The following RINL variants were observed in gnomAD, a reference collection of about 807,000 sequenced individuals.
The protein encoded by RINL is Ras and Rab interactor like.
In RINL, 39 loss-of-function variants were observed where a neutral mutation model predicts 58.1. The ratio of observed to expected loss-of-function variants is 0.67; its 90% CI spans 0.52 to 0.88. The LOEUF is 0.88. Among genes scored for constraint, RINL ranks in the 40% least tolerant of loss-of-function variants. The probability of loss-of-function intolerance (pLI) is 0.00; values close to 1 mark genes in which losing one functional copy is unlikely to be tolerated. For synonymous variants in RINL, 286 were observed against 323.1 expected (o/e 0.89, Z 1.23); for missense variants, 711 against 749.2 (o/e 0.95, Z 0.60).
Position 38,871,214 on chromosome 19 carries a change from G to C in RINL, c.465C>G (p.Ile155Met), listed in dbSNP as rs367723236. 13 of 1,613,866 alleles carry C rather than the reference G, an allele frequency of 8.1e-6. No homozygotes were observed. The African/African-American group carries it at 1.1e-4, about 13-fold the overall frequency. The change falls in exon 7 of 12, where the codon ATC becomes ATG. Residue 155 changes from isoleucine to methionine, a missense_variant. By Grantham distance (10) the Ile-to-Met change is conservative. Coordinates refer to ENST00000591812, the MANE Select transcript of RINL (RefSeq NM_001195833.2). Reference protein sequence around the residue: ...PRDEHTDPVQIGRVQQDTPGK... With the variant: ...PRDEHTDPVQMGRVQQDTPGK... ...CTGGGGTGTCCTGTTGGACCCTGCCGATCTGCACAGGATCTGGAGCCAGCA... is the reference window on the plus strand; with the variant it reads ...CTGGGGTGTCCTGTTGGACCCTGCCCATCTGCACAGGATCTGGAGCCAGCA...
In RINL at chr19:38,869,561, T is replaced by C. The variant is rs781713176; in HGVS notation, c.1474+12A>G. On this transcript the variant is annotated intron_variant, in intron 10 of 11. Transcript: ENST00000591812. This position sits in a 1 kb window ranked among gnomAD's most constrained non-coding sequence, Gnocchi z 5.7. ...ATCGCTGGGCTCCAGCATTCTGGAG[T>C]TGGGGGCTCACCCTCTCCCCGCAGC... 1.9e-5 allele frequency: 30 copies of C among 1,612,756 alleles called. No individual in the cohort carries two copies. The highest frequency in any genetic ancestry group is 2.7e-5 in the African/African-American group (2 of 74,764).
chr19:38,870,654 G>T lies in RINL; in HGVS notation c.940C>A (p.Gln314Lys). ...TAGGAGTCCTTTGCCAGGTGATCCT[G>T]GAGGTCAGTAAGGAGGTGCCGCACA... ...QDVRHLLTDLQDHLAKDSYIR... is the reference protein window; with the variant it reads ...QDVRHLLTDLKDHLAKDSYIR... The change falls in exon 8 of 12, where the codon CAG becomes AAG. Residue 314 changes from glutamine (Q) to lysine (K), a missense_variant. Gln to Lys is a moderately conservative substitution (Grantham distance 53). Coordinates refer to ENST00000591812, the MANE Select transcript of RINL (RefSeq NM_001195833.2). This position sits in a 1 kb window ranked among gnomAD's most constrained non-coding sequence, Gnocchi z 5.8. 6.2e-7 allele frequency: 1 copy of T among 1,613,660 alleles called. No individual in the cohort carries two copies. Among genetic ancestry groups the T allele is most frequent in the Non-Finnish European group, 8.5e-7 (1 of 1,179,820 alleles).
Position 38,868,986 on chromosome 19 carries a change from G to A in RINL, c.*118C>T, listed in dbSNP as rs1226514441. On this transcript the variant is annotated 3_prime_UTR_variant, in exon 12 of 12. Coordinates refer to ENST00000591812, the MANE Select transcript of RINL (RefSeq NM_001195833.2). ...TTTTTGTTTTTTTTTTTTTTTGGTA[G>A]ATGGGGGTCCCACTGTTTTGCCCAG... is the stretch of plus-strand genomic sequence containing the variant. 7.3e-6 allele frequency: 5 copies of A among 682,704 alleles called. No individual in the cohort carries two copies. Among genetic ancestry groups the A allele is most frequent in the Non-Finnish European group, 9.1e-6 (4 of 438,854 alleles). 42.3% of individuals were successfully genotyped at this position (682,704 alleles called of 1,614,324 possible). A position where few individuals can be genotyped will look rare whatever the true frequency, so the allele number is the denominator to read the frequency against.
chr19:38,871,681 G>C lies in RINL; in HGVS notation c.417C>G (p.Pro139=). 6.2e-7 allele frequency: 1 copy of C among 1,614,108 alleles called. No individual in the cohort carries two copies. Among genetic ancestry groups the C allele is most frequent in the Non-Finnish European group, 8.5e-7 (1 of 1,180,016 alleles). ...CATCTCTGGGCCCTAGAGTGGGAGG[G>C]GGCAAGAGCAGGGTTCTGGGCAGAA... ...RDVLPRTLLL[P]PPTLGPRDEH... The change falls in exon 6 of 12, where the codon CCC becomes CCG. Residue 139 remains proline, a synonymous_variant. Coordinates refer to ENST00000591812, the MANE Select transcript of RINL (RefSeq NM_001195833.2).
chr19:38,869,505 G>A lies in RINL; in HGVS notation c.1474+68C>T. On this transcript the variant is annotated intron_variant, in intron 10 of 11. Transcript: ENST00000591812. This position sits in a 1 kb window ranked among gnomAD's most constrained non-coding sequence, Gnocchi z 5.7. ...TGCCTGCCGTCCCTCCTGCTGCGGG[G>A]GGAGGCTGTTTGGGATCCCGGAGGT... 2.5e-6 allele frequency: 4 copies of A among 1,596,654 alleles called. No homozygotes were observed. The highest frequency in any genetic ancestry group is 1.7e-5 in the Admixed American group (1 of 58,524).
At position 38,869,571 on chromosome 19, in the gene RINL, A is replaced by G. The variant is rs746186666; in HGVS notation, c.1474+2T>C. ...TCCAGCATTCTGGAGTTGGGGGCTC[A>G]CCCTCTCCCCGCAGCTCATCTGGAT... is the stretch of plus-strand genomic sequence containing the variant. On this transcript the variant is annotated splice_donor_variant, in intron 10 of 11. Transcript: ENST00000591812. LOFTEE classifies it high-confidence loss of function. The surrounding 1 kb of genome is among the most constrained non-coding windows in gnomAD (Gnocchi z 5.7). 2.5e-6 allele frequency: 4 copies of G among 1,613,248 alleles called. No individual in the cohort carries two copies. In the Admixed American group the frequency reaches 6.7e-5, roughly 27 times the overall value.
At position 38,869,721 on chromosome 19, in the gene RINL, A is replaced by G. The variant is rs939056598; in HGVS notation, c.1343-17T>C. ...CCAGGGGATCTGGGAAAACCAGAGG[A>G]AAGGTCTTGAGATGGATCCCCATCT... On this transcript the variant is annotated splice_polypyrimidine_tract_variant and intron_variant, in intron 9 of 11. Transcript: ENST00000591812. This position sits in a 1 kb window ranked among gnomAD's most constrained non-coding sequence, Gnocchi z 5.7. 1.9e-6 allele frequency: 3 copies of G among 1,613,232 alleles called. No homozygotes were observed. The African/African-American group carries it at 4.0e-5, about 22-fold the overall frequency.
chr19:38,868,932 CACA>C lies in RINL; in HGVS notation c.*169_*171del. On this transcript the variant is annotated 3_prime_UTR_variant, in exon 12 of 12. Coordinates refer to ENST00000591812, the MANE Select transcript of RINL (RefSeq NM_001195833.2). ...GCAAAGCCTCCTGAGTAGCTGGTACCACAGGAGTACGCCACCACGCCCGGCTAA... is the reference window on the plus strand; with the variant it reads ...GCAAAGCCTCCTGAGTAGCTGGTACCGGAGTACGCCACCACGCCCGGCTAA... 1 of 597,598 alleles carries C rather than the reference CACA, an allele frequency of 1.7e-6. No individual in the cohort carries two copies. The highest frequency in any genetic ancestry group is 2.9e-6 in the Non-Finnish European group (1 of 346,136). The allele number at this position is 597,598 out of a possible 1,614,324, so 37.0% of individuals were successfully genotyped here. A position where few individuals can be genotyped will look rare whatever the true frequency, so the allele number is the denominator to read the frequency against.
In RINL at chr19:38,869,732, G is replaced by T. The variant is rs185542993; in HGVS notation, c.1343-28C>A. On this transcript the variant is annotated intron_variant, in intron 9 of 11. Transcript: ENST00000591812. This position sits in a 1 kb window ranked among gnomAD's most constrained non-coding sequence, Gnocchi z 5.7. ...GGGAAAACCAGAGGAAAGGTCTTGA[G>T]ATGGATCCCCATCTCAAGGCGCGTA... is the stretch of plus-strand genomic sequence containing the variant. 7.4e-5 allele frequency: 119 copies of T among 1,612,918 alleles called. 1 individual carries two copies. The highest frequency in any genetic ancestry group is 9.9e-5 in the Non-Finnish European group (117 of 1,179,820).
Position 38,870,186 on chromosome 19 carries a change from T to A in RINL, c.1099A>T (p.Thr367Ser), listed in dbSNP as rs1972774380. 3 of 1,401,550 alleles carry A rather than the reference T, an allele frequency of 2.1e-6. No homozygotes were observed. The highest frequency in any genetic ancestry group is 2.8e-6 in the Non-Finnish European group (3 of 1,087,286). The allele number at this position is 1,401,550 out of a possible 1,614,324, so 86.8% of individuals were successfully genotyped here. The change falls in exon 9 of 12, where the codon ACA (threonine) becomes TCA (serine). Residue 367 changes from threonine (T) to serine (S), a missense_variant. Physicochemically the swap from Thr to Ser is moderately conservative, Grantham distance 58. Transcript: ENST00000591812. This position sits in a 1 kb window ranked among gnomAD's most constrained non-coding sequence, Gnocchi z 5.8. ...LKPALWTRLR[T>S]LRAPELRRLR... ...CGCCGCAGCTCCGGTGCTCGGAGTG[T>A]GCGGAGTCGTGTCCACAGGGCCGGC...
Position 38,870,219 on chromosome 19 carries a change from G to A in RINL, c.1066C>T (p.Pro356Ser). 7.2e-7 allele frequency: 1 copy of A among 1,386,146 alleles called. No homozygotes were observed. The highest frequency in any genetic ancestry group is 9.3e-7 in the Non-Finnish European group (1 of 1,078,252). The allele number at this position is 1,386,146 out of a possible 1,614,324, so 85.9% of individuals were successfully genotyped here. The change falls in exon 9 of 12, where the codon CCC becomes TCC. Residue 356 changes from proline (P) to serine (S), a missense_variant. Transcript: ENST00000591812. This position sits in a 1 kb window ranked among gnomAD's most constrained non-coding sequence, Gnocchi z 5.8. ...CGTGTCCACAGGGCCGGCTTCAGGG[G>A]CGCCAGCACCGCCTGGCACACCGCC... ...ETAVCQAVLAPLKPALWTRLR... is the reference protein window; with the variant it reads ...ETAVCQAVLASLKPALWTRLR...
In RINL at chr19:38,869,509, G is replaced by A. The variant is rs551273218; in HGVS notation, c.1474+64C>T. 399 of 1,597,650 alleles carry A rather than the reference G, an allele frequency of 2.5e-4. 4 individuals carry two copies. In the South Asian group the frequency reaches 3.6e-3, roughly 14 times the overall value. ...TGCCGTCCCTCCTGCTGCGGGGGGA[G>A]GCTGTTTGGGATCCCGGAGGTACTG... On this transcript the variant is annotated intron_variant, in intron 10 of 11. Transcript: ENST00000591812. This position sits in a 1 kb window ranked among gnomAD's most constrained non-coding sequence, Gnocchi z 5.7.
Position 38,870,638 on chromosome 19 carries a change from T to C in RINL, c.956A>G (p.Lys319Arg). 6.2e-7 allele frequency: 1 copy of C among 1,613,252 alleles called. No individual in the cohort carries two copies. Reference protein sequence around the residue: ...LLTDLQDHLAKDSYIRAVFGS... With the variant: ...LLTDLQDHLARDSYIRAVFGS... ...AAAGACAGCCCTGATGTAGGAGTCC[T>C]TTGCCAGGTGATCCTGGAGGTCAGT... is the stretch of plus-strand genomic sequence containing the variant. The change falls in exon 8 of 12, where the codon AAG becomes AGG. Residue 319 changes from lysine to arginine, a missense_variant. Transcript: ENST00000591812. This position sits in a 1 kb window ranked among gnomAD's most constrained non-coding sequence, Gnocchi z 5.8.
At position 38,869,439 on chromosome 19, in the gene RINL, C is replaced by T; in HGVS notation, c.1475-29G>A. ...GGGACAGAAAGGGAAGTCAGCTCCG[C>T]CCTCTCGGCTTCCCTGGTCGCCCCA... On this transcript the variant is annotated intron_variant, in intron 10 of 11. Transcript: ENST00000591812. The surrounding 1 kb of genome is among the most constrained non-coding windows in gnomAD (Gnocchi z 5.7). The T allele has an allele frequency of 6.3e-7, 1 of 1,578,316 alleles. No homozygotes were observed. Among genetic ancestry groups the T allele is most frequent in the South Asian group, 1.2e-5 (1 of 86,554 alleles).
intron 3 of RINL, among the ~76,000 whole-genome samples, chr19:38,875,907 C>T (rs1043297455): frequency 2.0e-5 from 3 of 152,092 alleles, no homozygotes; most frequent in African/African-American, 7.2e-5. Flanking sequence ...AAGATAAATG[C>T]CTATTTGTTT....
chr19:38,877,116 T>C (rs557979810), intron 1 of RINL, among the ~76,000 whole-genome samples: 1 of 152,256 alleles, frequency 6.6e-6, no homozygotes, highest in African/African-American at 2.4e-5. Flanking sequence ...GGTTTTGACG[T>C]GTTACCCAGG....
Position 38,876,446 on chromosome 19 carries a change from C to T in RINL, c.95G>A (p.Gly32Glu). 6.5e-7 allele frequency: 1 copy of T among 1,536,022 alleles called. No individual in the cohort carries two copies. The highest frequency in any genetic ancestry group is 8.7e-7 in the Non-Finnish European group (1 of 1,146,866). Residue 32 changes from glycine (G) to glutamate (E), a missense_variant, in exon 3 of 12, where the codon GGG (glycine) becomes GAG (glutamate). By Grantham distance (98) the Gly-to-Glu change is moderately conservative (BLOSUM62 -2). Coordinates refer to ENST00000591812, the MANE Select transcript of RINL (RefSeq NM_001195833.2). ...QVNKADRTPL[G>E]VLSTLEPLTR... is the part of the protein sequence containing the mutation. ...AAGTGGCTCTAGGGTGCTGAGGACC[C>T]CTAGAGGGGTCCTGTCTGCTTTGTT...
Position 38,869,038 on chromosome 19 carries a change from C to G in RINL, c.*66G>C. On this transcript the variant is annotated 3_prime_UTR_variant, in exon 12 of 12. Transcript: ENST00000591812. The surrounding 1 kb of genome is among the most constrained non-coding windows in gnomAD (Gnocchi z 5.7). ...CTGGTCTCAAACTCCTGGGCTCAAGCAATCCTCCCACCTTGGCCTCCCAAA... is the reference window on the plus strand; with the variant it reads ...CTGGTCTCAAACTCCTGGGCTCAAGGAATCCTCCCACCTTGGCCTCCCAAA... 1.4e-6 allele frequency: 2 copies of G among 1,427,328 alleles called. No individual in the cohort carries two copies. Among genetic ancestry groups the G allele is most frequent in the Non-Finnish European group, 1.9e-6 (2 of 1,053,354 alleles). The allele number at this position is 1,427,328 out of a possible 1,614,324, so 88.4% of individuals were successfully genotyped here. A position where few individuals can be genotyped will look rare whatever the true frequency, so the allele number is the denominator to read the frequency against.
At position 38,869,398 on chromosome 19, in the gene RINL, AG is replaced by A. The variant is rs1331894083; in HGVS notation, c.1486del (p.Leu496Ter). On this transcript the variant is annotated frameshift_variant, in exon 11 of 12. Coordinates refer to ENST00000591812, the MANE Select transcript of RINL (RefSeq NM_001195833.2). LOFTEE classifies it high-confidence loss of function. The surrounding 1 kb of genome is among the most constrained non-coding windows in gnomAD (Gnocchi z 5.7). ...DELRGEAGYY[L>X]TTWFGALHHI... ...GTGCAGCGCCCCAAACCACGTGGTCAGGTAGTACCCAGCTGGGGACAGAAAG... is the reference window on the plus strand; with the variant it reads ...GTGCAGCGCCCCAAACCACGTGGTCAGTAGTACCCAGCTGGGGACAGAAAG... 5.6e-6 allele frequency: 9 copies of A among 1,605,472 alleles called. No homozygotes were observed. In the Admixed American group the frequency reaches 1.5e-4, roughly 27 times the overall value.
Sources: allele counts gnomAD v4.1 joint callset (sites outside exome capture counted in the v4.1 genomes callset), GRCh38; gene constraint gnomAD v4.1.1; non-coding constraint Gnocchi (gnomAD v3.1); transcripts MANE v1.5; gene names NCBI Gene and HGNC (gene_info 2026-07-23, HGNC 2026-07-21).